CATSPERE: variants seen among roughly 807,000 people sequenced by gnomAD.
CATSPERE encodes catsper channel auxiliary subunit epsilon.
In CATSPERE, 93 loss-of-function variants were observed where a neutral mutation model predicts 114.1. That is an observed-to-expected ratio of 0.81 (90% CI 0.69 to 0.97). The LOEUF (loss-of-function observed/expected upper bound fraction) is 0.97, where lower values mean the gene tolerates loss of function less well. CATSPERE is among the 50% of genes least tolerant of loss of function. The probability of loss-of-function intolerance (pLI) is 0.00; values close to 1 mark genes in which losing one functional copy is unlikely to be tolerated. For missense variants in CATSPERE, 1,058 were observed against 1,131.6 expected, an observed-to-expected ratio of 0.93 and a Z score of 0.93; for synonymous variants, 341 against 384.1, an observed-to-expected ratio of 0.89 and a Z score of 1.31.
intron 17 of CATSPERE, among the ~76,000 whole-genome samples, chr1:244,600,867 A>T (rs1327885279): frequency 6.6e-6 from 1 of 152,236 alleles, no homozygotes; most frequent in Non-Finnish European, 1.5e-5. Context: ...CCACCATCAA[A>T]GAATCGATCA....
intron 4 of CATSPERE, 33 bp from the exon 5 acceptor site, chr1:244,479,684 A>G (rs752781992): frequency 1.5e-6 from 2 of 1,372,126 alleles, no homozygotes; most frequent in African/African-American, 2.9e-5. Flanking sequence ...TTTAATGTTA[A>G]TATATCACAG....
At chr1:244,478,198 C>T (rs567561168) in intron 4 of CATSPERE, among the ~76,000 whole-genome samples, 1 of 152,148 alleles carries the variant, frequency 6.6e-6, no homozygotes, top group African/African-American at 2.4e-5. Context: ...CAATTTTTAT[C>T]TTAGTCTTTT....
chr1:244,592,678 G>T (rs182723454), intron 15 of CATSPERE, among the ~76,000 whole-genome samples: 193 of 152,368 alleles, frequency 1.3e-3, no homozygotes, highest in African/African-American at 4.5e-3. Flanking sequence ...AATGCTTAGT[G>T]AAAGCCATTG....
At chr1:244,539,476 T>C (rs1281247564) in intron 8 of CATSPERE, among the ~76,000 whole-genome samples, 2 of 131,764 alleles carry the variant, frequency 1.5e-5, no homozygotes, top group Admixed American at 8.4e-5. Flanking sequence ...ATCAGAATGA[T>C]GCTGGCCTCA....
Position 244,465,394 on chromosome 1 carries a change from G to C in CATSPERE, c.114+1438G>C, listed in dbSNP as rs532236795. ...GAACTGAAATGTTTTTATAATTTTA[G>C]TTTATATTTCTTATATTTTTACCTT... On this transcript the variant is annotated intron_variant, in intron 2 of 21. Coordinates refer to ENST00000366534, the MANE Select transcript of CATSPERE (RefSeq NM_001130957.2). Among the ~76,000 whole-genome samples, 10 of 152,212 alleles carry C rather than the reference G, an allele frequency of 6.6e-5. No homozygotes were observed. In the South Asian group the frequency reaches 1.9e-3, roughly 28 times the overall value.
chr1:244,581,988 G>A (rs1382622027), intron 12 of CATSPERE, 134 bp downstream of exon 12: 1 of 445,116 alleles, frequency 2.2e-6, no homozygotes, highest in African/African-American at 2.1e-5. Context: ...TCAATGTCTG[G>A]ATAGATGTAA....
intron 10 of CATSPERE, among the ~76,000 whole-genome samples, chr1:244,567,686 C>T (rs1358946965): frequency 6.6e-6 from 1 of 151,680 alleles, no homozygotes; most frequent in African/African-American, 2.4e-5. Flanking sequence ...CTGTGAAGCT[C>T]CATCAGGTTA....
chr1:244,536,622 C>T (rs941238985), intron 8 of CATSPERE, among the ~76,000 whole-genome samples: 1 of 152,210 alleles, frequency 6.6e-6, no homozygotes, highest in Non-Finnish European at 1.5e-5. Flanking sequence ...CACTATGCAG[C>T]CACTACCGAG....
intron 15 of CATSPERE, 33 bp downstream of exon 15, chr1:244,591,764 T>C: frequency 1.6e-6 from 2 of 1,246,378 alleles, no homozygotes; most frequent in Non-Finnish European, 2.3e-6. Flanking sequence ...CACTGAGTTT[T>C]ATATTAACGT....
intron 21 of CATSPERE, among the ~76,000 whole-genome samples, chr1:244,638,875 A>G (rs1302016634): frequency 1.3e-5 from 2 of 152,162 alleles, no homozygotes; most frequent in Non-Finnish European, 2.9e-5. Context: ...TAATTTTGTG[A>G]AGACTCTCAT....
chr1:244,515,229 C>A, intron 7 of CATSPERE: 1 of 535,912 alleles, frequency 1.9e-6, no homozygotes, highest in Non-Finnish European at 2.4e-6. Flanking sequence ...AGCATAGTAA[C>A]TCCTCTCCCA....
At chr1:244,477,820 A>T in intron 3 of CATSPERE, 86 bp from the exon 4 acceptor site, 1 of 1,171,214 alleles carries the variant, frequency 8.5e-7, no homozygotes, top group Non-Finnish European at 1.2e-6. Flanking sequence ...ATACAATTGA[A>T]ATTTTTAGGC....
Position 244,507,569 on chromosome 1 carries a change from G to A in CATSPERE, c.429+8490G>A, listed in dbSNP as rs186017161. On this transcript the variant is annotated intron_variant, in intron 7 of 21. Transcript: ENST00000366534. ...CTGTAAAATGTTTGCCCAGACCAACGTCCTAAAGCATTTCCTCTGTTTTCT... is the reference window on the plus strand; with the variant it reads ...CTGTAAAATGTTTGCCCAGACCAACATCCTAAAGCATTTCCTCTGTTTTCT... 5.1e-4 allele frequency among the ~76,000 whole-genome samples: 78 copies of A among 152,230 alleles called. 1 individual carries two copies. Among genetic ancestry groups the A allele is most frequent in the East Asian group, 1.5e-3 (8 of 5,180 alleles).
chr1:244,488,678 G>A (rs541408627), intron 5 of CATSPERE, among the ~76,000 whole-genome samples: 9 of 152,162 alleles, frequency 5.9e-5, no homozygotes, highest in East Asian at 1.9e-4. Context: ...TTCCAGATAC[G>A]CTGGTAACTC....
intron 9 of CATSPERE, 119 bp from the exon 10 acceptor site, chr1:244,560,549 A>G (rs989858677): frequency 3.6e-6 from 2 of 550,638 alleles, no homozygotes; most frequent in African/African-American, 3.9e-5. Context: ...GTTCCCCAAA[A>G]ACCTATTGAA....
At chr1:244,576,234 C>T (rs2148590748) in intron 11 of CATSPERE, among the ~76,000 whole-genome samples, 1 of 152,016 alleles carries the variant, frequency 6.6e-6, no homozygotes, top group Middle Eastern at 3.4e-3. Context: ...GTCTCAATTC[C>T]TTACCCCTGA....
In CATSPERE at chr1:244,575,727, G is replaced by A. The variant is rs746780168; in HGVS notation, c.1950+2955G>A. ...TCCCTTGCCTCTGCCAGCCGCCTAC[G>A]CTGCTGTTCTCCCCTCTCCTTCCCT... is the stretch of plus-strand genomic sequence containing the variant. On this transcript the variant is annotated intron_variant, in intron 11 of 21. Coordinates refer to ENST00000366534, the MANE Select transcript of CATSPERE (RefSeq NM_001130957.2). The surrounding 1 kb of genome is among the most constrained non-coding windows in gnomAD (Gnocchi z 4.5). Among the ~76,000 whole-genome samples, 40 of 151,410 alleles carry A rather than the reference G, an allele frequency of 2.6e-4. No individual in the cohort carries two copies. Among genetic ancestry groups the A allele is most frequent in the Non-Finnish European group, 4.4e-4 (30 of 67,854 alleles).
chr1:244,505,225 A>G lies in CATSPERE; in HGVS notation c.429+6146A>G, dbSNP rs112690104. 5.7e-4 allele frequency among the ~76,000 whole-genome samples: 87 copies of G among 152,322 alleles called. 1 individual carries two copies. The highest frequency in any genetic ancestry group is 1.9e-3 in the African/African-American group (78 of 41,574). On this transcript the variant is annotated intron_variant, in intron 7 of 21. Transcript: ENST00000366534. ...ATAAGATGCTCCAAGCTAATCCGGT[A>G]TAATTCCTGCATCATAGCACGTGCA...
intron 8 of CATSPERE, among the ~76,000 whole-genome samples, chr1:244,534,326 G>A (rs1435293004): frequency 6.6e-6 from 1 of 152,044 alleles, no homozygotes; most frequent in Non-Finnish European, 1.5e-5. Flanking sequence ...GAAGTTCTCT[G>A]TTATTATCTC....
Sources: allele counts gnomAD v4.1 joint callset (sites outside exome capture counted in the v4.1 genomes callset), GRCh38; gene constraint gnomAD v4.1.1; non-coding constraint Gnocchi (gnomAD v3.1); transcripts MANE v1.5; gene names NCBI Gene and HGNC (gene_info 2026-07-23, HGNC 2026-07-21).